The following MYO7B variants were observed in gnomAD, a reference collection of about 807,000 sequenced individuals.
MYO7B encodes the protein myosin VIIB, also known as unconventional myosin-VIIb.
MYO7B carries 212 observed loss-of-function variants against 259.7 expected under a neutral mutation model. The observed-to-expected ratio is 0.82, with a 90% confidence interval of 0.73 to 0.91. The LOEUF is 0.91. Ranked by LOEUF, MYO7B falls within the 40% of genes least tolerant of loss-of-function variation. The pLI, the probability that MYO7B is intolerant of heterozygous loss-of-function variation, is 0.00. For synonymous variants in MYO7B, 1,197 were observed against 1,166.4 expected, an observed-to-expected ratio of 1.03 and a Z score of -0.54; for missense variants, 2,732 against 2,813.5, an observed-to-expected ratio of 0.97 and a Z score of 0.66.
chr2:127,584,901 T>C lies in MYO7B; in HGVS notation c.1678T>C (p.Tyr560His), dbSNP rs144158335. ...TGCCCATTTTGCCGGCGAGGTGTACTACCAAGCAGAAGGTGGGTGCAGCTC... is the reference window on the plus strand; with the variant it reads ...TGCCCATTTTGCCGGCGAGGTGTACCACCAAGCAGAAGGTGGGTGCAGCTC... ...GIAHFAGEVY[Y>H]QAEGFLEKNR... Residue 560 changes from tyrosine to histidine, a missense_variant, in exon 14 of 48, where the codon TAC (tyrosine) becomes CAC (histidine). Tyr to His is a moderately conservative substitution (Grantham distance 83, BLOSUM62 2). Coordinates refer to ENST00000409816, the MANE Select transcript of MYO7B (RefSeq NM_001393586.1). The surrounding 1 kb of genome is among the most constrained non-coding windows in gnomAD (Gnocchi z 5.8). 46 of 1,613,906 alleles carry C rather than the reference T, an allele frequency of 2.9e-5. No individual in the cohort carries two copies. Among genetic ancestry groups the C allele is most frequent in the Non-Finnish European group, 3.6e-5 (42 of 1,179,866 alleles).
In MYO7B at chr2:127,632,383, G is replaced by A. The variant is rs745596037; in HGVS notation, c.5387G>A (p.Arg1796Gln). 4.6e-5 allele frequency: 72 copies of A among 1,573,658 alleles called. No individual in the cohort carries two copies. The highest frequency in any genetic ancestry group is 5.7e-5 in the Non-Finnish European group (66 of 1,159,292). The change falls in exon 39 of 48, where the codon CGA becomes CAA. Residue 1796 changes from arginine (R) to glutamine (Q), a missense_variant. By Grantham distance (43) the Arg-to-Gln change is conservative (BLOSUM62 1). Transcript: ENST00000409816. ...GKLLAPDCSR[R>Q]IQKVLRTGPR... is the part of the protein sequence containing the mutation. ...CTGCTGGCCCCCGACTGCAGCCGCCGAATCCAGAAGGTCCTGAGGTGAGCC... is the reference window on the plus strand; with the variant it reads ...CTGCTGGCCCCCGACTGCAGCCGCCAAATCCAGAAGGTCCTGAGGTGAGCC...
intron 18 of MYO7B, among the ~76,000 whole-genome samples, chr2:127,596,029 G>C (rs945681429): frequency 1.3e-5 from 2 of 152,074 alleles, no homozygotes; most frequent in African/African-American, 4.8e-5. Context: ...TTTCTGTCTC[G>C]ATGATCTGTC....
At chr2:127,626,094 G>A (rs1194376951) in intron 31 of MYO7B, 1 of 152,342 alleles carries the variant, frequency 6.6e-6, no homozygotes, top group African/African-American at 2.4e-5. Context: ...AGTGAAAAGA[G>A]AGTTCGGTTG....
Position 127,585,160 on chromosome 2 carries a change from T to C in MYO7B, c.1690+247T>C, listed in dbSNP as rs35971939. On this transcript the variant is annotated intron_variant, in intron 14 of 47. Transcript: ENST00000409816. This position sits in a 1 kb window ranked among gnomAD's most constrained non-coding sequence, Gnocchi z 4.3. ...ATTTACCTATTTTAAGTGTACGACT[T>C]GACTGTAATATATTCAGAGTATATT... 0.34 allele frequency among the ~76,000 whole-genome samples: 51,934 copies of C among 152,106 alleles called. 11,100 individuals carry two copies. The highest frequency in any genetic ancestry group is 0.67 in the East Asian group (3,471 of 5,172).
intron 10 of MYO7B, 149 bp from the exon 11 acceptor site, chr2:127,581,742 G>A (rs1679108886): frequency 4.9e-6 from 5 of 1,021,856 alleles, no homozygotes; most frequent in Non-Finnish European, 4.1e-6. Context: ...CAGCTCCCAG[G>A]GCCCTGGCCC....
At chr2:127,623,955 C>T in intron 29 of MYO7B, 138 bp from the exon 30 acceptor site, 1 of 724,928 alleles carries the variant, frequency 1.4e-6, no homozygotes, top group Non-Finnish European at 2.2e-6. Flanking sequence ...CACACGGGCT[C>T]AGCAGTGTCC....
intron 1 of MYO7B, among the ~76,000 whole-genome samples, chr2:127,552,527 C>G (rs532587183): frequency 1.3e-5 from 2 of 152,106 alleles, no homozygotes; most frequent in Non-Finnish European, 2.9e-5. Flanking sequence ...GGAGTGGGGG[C>G]CCCTAGGGCT....
chr2:127,598,837 C>G (rs994502993), intron 19 of MYO7B, among the ~76,000 whole-genome samples: 3 of 152,116 alleles, frequency 2.0e-5, no homozygotes, highest in Admixed American at 2.0e-4. Flanking sequence ...AAAAGTCTAT[C>G]CTTCCTTCAA....
Position 127,625,414 on chromosome 2 carries a change from T to C in MYO7B, c.4094T>C (p.Leu1365Pro), listed in dbSNP as rs1681058369. 2 of 1,608,826 alleles carry C rather than the reference T, an allele frequency of 1.2e-6. No homozygotes were observed. Among genetic ancestry groups the C allele is most frequent in the Non-Finnish European group, 1.7e-6 (2 of 1,178,384 alleles). ...ELLARHCYVQ[L>P]GASAESKAVQ... ...CTGGCCCGGCACTGCTACGTGCAGC[T>C]CGGCGCCTCAGCAGAGAGCAAGGCT... Residue 1365 changes from leucine (L) to proline (P), a missense_variant, in exon 31 of 48, where the codon CTC becomes CCC. This residue lies in a region of MYO7B where 1,906 missense variants were observed against 2,026.4 expected (regional missense o/e 0.94). Coordinates refer to ENST00000409816, the MANE Select transcript of MYO7B (RefSeq NM_001393586.1).
In MYO7B at chr2:127,597,822, G is replaced by C. The variant is rs10188320; in HGVS notation, c.2339+1266G>C. 6.6e-6 allele frequency among the ~76,000 whole-genome samples: 1 copy of C among 151,988 alleles called. No homozygotes were observed. Among genetic ancestry groups the C allele is most frequent in the South Asian group, 2.1e-4 (1 of 4,816 alleles). On this transcript the variant is annotated intron_variant, in intron 19 of 47. Transcript: ENST00000409816. The surrounding 1 kb of genome is among the most constrained non-coding windows in gnomAD (Gnocchi z 4.8). Reference sequence around the variant, plus strand: ...CTGGCTAATTATTGTATTTTTTGTAGAGATGGGGTTTCGCCATGTTACCCA... The same window carrying C: ...CTGGCTAATTATTGTATTTTTTGTACAGATGGGGTTTCGCCATGTTACCCA...
At chr2:127,596,752 GGAAAAAAC>G (rs922176969) in intron 19 of MYO7B, among the ~76,000 whole-genome samples, 196 bp downstream of exon 19, 1 of 152,132 alleles carries the variant, frequency 6.6e-6, no homozygotes, top group African/African-American at 2.4e-5. Context: ...TGGAATGTTT[GGAAAAAAC>G]AAAAAAACAC....
In MYO7B at chr2:127,593,536, G is replaced by C; in HGVS notation, c.2146-10G>C. The C allele has an allele frequency of 6.2e-7, 1 of 1,612,502 alleles. No individual in the cohort carries two copies. The highest frequency in any genetic ancestry group is 8.5e-7 in the Non-Finnish European group (1 of 1,179,148). ...CACCTCCCACCGATACCCCCGTTTGGTCTTGGCAGCTGCAAGGCAAGCTCC... is the reference window on the plus strand; with the variant it reads ...CACCTCCCACCGATACCCCCGTTTGCTCTTGGCAGCTGCAAGGCAAGCTCC... On this transcript the variant is annotated splice_polypyrimidine_tract_variant and intron_variant, in intron 17 of 47. Transcript: ENST00000409816.
At chr2:127,595,688 C>A (rs1355931013) in intron 18 of MYO7B, among the ~76,000 whole-genome samples, 1 of 152,178 alleles carries the variant, frequency 6.6e-6, no homozygotes, top group African/African-American at 2.4e-5. Flanking sequence ...TAACTGGTTT[C>A]AAAGAACTTC....
rs1409203679 is a variant in MYO7B at position 127,564,267 on chromosome 2, G to T, written c.132+1G>T. On this transcript the variant is annotated splice_donor_variant, in intron 3 of 47. Coordinates refer to ENST00000409816, the MANE Select transcript of MYO7B (RefSeq NM_001393586.1). LOFTEE classifies it high-confidence loss of function. ...CTTGGTTGAAGATGACGAGGGCAAG[G>T]TCAGTGTTCTGGGGTTTCCTCTGGG... 3 of 1,563,570 alleles carry T rather than the reference G, an allele frequency of 1.9e-6. No individual in the cohort carries two copies. The highest frequency in any genetic ancestry group is 2.6e-6 in the Non-Finnish European group (3 of 1,153,556).
intron 31 of MYO7B, 80 bp from the exon 32 acceptor site, chr2:127,626,895 A>G (rs1681156186): frequency 7.7e-7 from 1 of 1,303,542 alleles, no homozygotes; most frequent in Admixed American, 2.1e-5. Flanking sequence ...GGATCCATCA[A>G]CTCTTTTACC....
Position 127,609,269 on chromosome 2 carries a change from C to T in MYO7B, c.2815-237C>T, listed in dbSNP as rs1268418694. Among the ~76,000 whole-genome samples the T allele has an allele frequency of 6.6e-6, 1 of 152,078 alleles. No homozygotes were observed. The highest frequency in any genetic ancestry group is 1.5e-5 in the Non-Finnish European group (1 of 67,976). Reference sequence around the variant, plus strand: ...GAGGACACAGTGTCTGAGCGTGGGGCCAGGAGGGGAGAGGGCAGGAGCCCT... The same window carrying T: ...GAGGACACAGTGTCTGAGCGTGGGGTCAGGAGGGGAGAGGGCAGGAGCCCT... On this transcript the variant is annotated intron_variant, in intron 22 of 47. Transcript: ENST00000409816. This position sits in a 1 kb window ranked among gnomAD's most constrained non-coding sequence, Gnocchi z 6.9.
At chr2:127,560,998 T>G (rs1678063926) in intron 2 of MYO7B, among the ~76,000 whole-genome samples, 1 of 152,090 alleles carries the variant, frequency 6.6e-6, no homozygotes, top group Admixed American at 6.5e-5. Context: ...AGGACACACA[T>G]GGTCTAAAAG....
At chr2:127,635,669 G>A (rs1334123782) in intron 43 of MYO7B, 53 bp from the exon 44 acceptor site, 3 of 1,529,776 alleles carry the variant, frequency 2.0e-6, no homozygotes, top group African/African-American at 2.7e-5. Context: ...AGAGGTTGGG[G>A]GCGGGTGGGC....
rs891566645 is a variant in MYO7B, at chr2:127,627,997, T to C, written c.4461-375T>C. ...CCGACAGCATCACCCATTCTGCAGA[T>C]GAGCGGATGAGTAAACTGAAGCACG... On this transcript the variant is annotated intron_variant, in intron 33 of 47. Transcript: ENST00000409816. The surrounding 1 kb of genome is among the most constrained non-coding windows in gnomAD (Gnocchi z 5.6). 2 of 477,804 alleles carry C rather than the reference T, an allele frequency of 4.2e-6. No homozygotes were observed. Among genetic ancestry groups the C allele is most frequent in the Middle Eastern group, 3.1e-4 (1 of 3,212 alleles). The allele number at this position is 477,804 out of a possible 1,614,324, so 29.6% of individuals were successfully genotyped here.
Sources: allele counts gnomAD v4.1 joint callset (sites outside exome capture counted in the v4.1 genomes callset), GRCh38; gene constraint gnomAD v4.1.1; regional missense constraint gnomAD v4.1.1; non-coding constraint Gnocchi (gnomAD v3.1); transcripts MANE v1.5; gene names NCBI Gene and HGNC (gene_info 2026-07-23, HGNC 2026-07-21).